HEXA: variants seen among roughly 807,000 people sequenced by gnomAD.
HEXA encodes the protein hexosaminidase subunit alpha.
A neutral mutation model predicts 73.3 loss-of-function variants in HEXA; 54 were observed. The observed-to-expected ratio is 0.74, with a 90% CI of 0.59 to 0.92. The LOEUF (loss-of-function observed/expected upper bound fraction) is 0.92. Ranked by LOEUF, HEXA falls within the 40% of genes least tolerant of loss-of-function variation. The pLI is 0.00. For synonymous variants in HEXA, 230 were observed against 246.9 expected (o/e 0.93, Z 0.64); for missense variants, 649 against 653.0 (o/e 0.99, Z 0.07).
At chr15:72,356,660 G>A in intron 1 of HEXA, 43 bp from the exon 2 acceptor site, 1 of 1,612,156 alleles carries the variant, frequency 6.2e-7, no homozygotes, top group Non-Finnish European at 8.5e-7. Flanking sequence ...CCTGCCATTA[G>A]AAGCAACAGG....
At chr15:72,359,020 A>C (rs956246710) in intron 1 of HEXA, 1 of 152,376 alleles carries the variant, frequency 6.6e-6, no homozygotes, top group Non-Finnish European at 1.5e-5. Context: ...CAGCAATGTC[A>C]TGAGCACATG....
chr15:72,357,586 C>CT (rs1480266461), intron 1 of HEXA: 10 of 152,180 alleles, frequency 6.6e-5, no homozygotes, highest in African/African-American at 2.2e-4. Context: ...CTATTCTATT[C>CT]TTTCCTGGAG....
chr15:72,350,027 G>A (rs2088674832), intron 7 of HEXA, among the ~76,000 whole-genome samples: 1 of 152,140 alleles, frequency 6.6e-6, no homozygotes, highest in Admixed American at 6.5e-5. Flanking sequence ...GCCTCCAAAA[G>A]TGGTGGGATT....
chr15:72,364,026 T>TG (rs1380126521), intron 1 of HEXA, among the ~76,000 whole-genome samples: 1 of 152,048 alleles, frequency 6.6e-6, no homozygotes, highest in African/African-American at 2.4e-5. Flanking sequence ...CTGAGGCAGG[T>TG]GGATCACTTG....
chr15:72,370,308 T>A (rs965210024), intron 1 of HEXA: 2 of 255,452 alleles, frequency 7.8e-6, no homozygotes, highest in East Asian at 1.4e-4. Context: ...AAAACTCAAA[T>A]TTTTCATAAA....
At chr15:72,375,625 CAAAA>C in intron 1 of HEXA, 91 bp downstream of exon 1, 1 of 1,435,182 alleles carries the variant, frequency 7.0e-7, no homozygotes, top group Admixed American at 1.9e-5. Context: ...GAGGGCTGGA[CAAAA>C]GCCCATAGGG....
At position 72,363,445 on chromosome 15, in the gene HEXA, G is replaced by A. The variant is rs868030685; in HGVS notation, c.254-6828C>T. On this transcript the variant is annotated intron_variant, in intron 1 of 13. Coordinates refer to ENST00000268097, the MANE Select transcript of HEXA (RefSeq NM_000520.6). The stretch of plus-strand genomic sequence containing the variant: ...ATTGGTGTTCACCAAGCTACCAAGA[G>A]GAGAAAAGGTATTCCAAGCCTGGGA... 2.0e-4 allele frequency among the ~76,000 whole-genome samples: 31 copies of A among 152,310 alleles called. No individual in the cohort carries two copies. In the Middle Eastern group the frequency reaches 0.017, roughly 84 times the overall value.
At chr15:72,368,867 T>C (rs2088950734) in intron 1 of HEXA, among the ~76,000 whole-genome samples, 1 of 152,158 alleles carries the variant, frequency 6.6e-6, no homozygotes, top group Non-Finnish European at 1.5e-5. Flanking sequence ...AAGGACAAGG[T>C]TGAACAAACA....
intron 13 of HEXA, 181 bp downstream of exon 13, chr15:72,345,265 T>G: frequency 1.1e-5 from 13 of 1,192,002 alleles, no homozygotes; most frequent in Non-Finnish European, 1.5e-5. Context: ...GTACCATTTT[T>G]TGTTGTATTT....
At chr15:72,356,013 C>G (rs1474968611) in intron 2 of HEXA, 1 of 459,894 alleles carries the variant, frequency 2.2e-6, no homozygotes, top group African/African-American at 2.0e-5. Context: ...GCTCCCAATG[C>G]CTTTGTAATC....
At chr15:72,345,168 C>A in intron 13 of HEXA, 1 of 466,012 alleles carries the variant, frequency 2.1e-6, no homozygotes, top group Non-Finnish European at 3.8e-6. Flanking sequence ...TGTACAACTT[C>A]CCATATACTT....
chr15:72,373,536 A>C (rs1208749633), intron 1 of HEXA, among the ~76,000 whole-genome samples: 1 of 152,208 alleles, frequency 6.6e-6, no homozygotes, highest in East Asian at 1.9e-4. Flanking sequence ...AAGCTAATGA[A>C]CTTACAGGAA....
At chr15:72,358,798 C>G (rs956135758) in intron 1 of HEXA, 6 of 152,182 alleles carry the variant, frequency 3.9e-5, no homozygotes, top group Non-Finnish European at 8.8e-5. Flanking sequence ...GCTGGCAAAA[C>G]AGGAGGGACA....
At chr15:72,375,646 T>C in intron 1 of HEXA, 74 bp downstream of exon 1, 2 of 1,571,874 alleles carry the variant, frequency 1.3e-6, no homozygotes, top group African/African-American at 1.4e-5. Flanking sequence ...AGGGCGTCTC[T>C]GGAGCCCTGG....
chr15:72,366,807 T>A (rs1253119771), intron 1 of HEXA, among the ~76,000 whole-genome samples: 1 of 152,144 alleles, frequency 6.6e-6, no homozygotes, highest in East Asian at 1.9e-4. Context: ...TCCTCGGAAG[T>A]GTTCAAACTC....
intron 12 of HEXA, 80 bp from the exon 13 acceptor site, chr15:72,345,630 T>C (rs1595796444): frequency 6.3e-7 from 1 of 1,579,656 alleles, no homozygotes; most frequent in Non-Finnish European, 8.6e-7. Context: ...TGCTACCTCT[T>C]GTCTAGGCAC....
intron 7 of HEXA, 83 bp downstream of exon 7, chr15:72,350,435 T>C (rs2088679288): frequency 1.4e-6 from 2 of 1,427,678 alleles, no homozygotes; most frequent in African/African-American, 1.4e-5. Context: ...GGCTGGGATA[T>C]GCCACTTCCA....
chr15:72,351,221 T>C lies in HEXA; in HGVS notation c.584A>G (p.Tyr195Cys). ...SILDTLDVMA[Y>C]NKLNVFHWHL... ...CCAGTGGAACACGTTCAATTTATTGTACGCCATGACATCCTGTAGGTTAAA... is the reference window on the plus strand; with the variant it reads ...CCAGTGGAACACGTTCAATTTATTGCACGCCATGACATCCTGTAGGTTAAA... Residue 195 changes from tyrosine to cysteine, a missense_variant, in exon 6 of 14, where the codon TAC (tyrosine) becomes TGC (cysteine). By Grantham distance (194) the Tyr-to-Cys change is radical. Transcript: ENST00000268097. The C allele has an allele frequency of 6.2e-7, 1 of 1,607,060 alleles. No homozygotes were observed. The highest frequency in any genetic ancestry group is 8.5e-7 in the Non-Finnish European group (1 of 1,173,506).
chr15:72,363,413 AC>A (rs1405912845), intron 1 of HEXA, among the ~76,000 whole-genome samples: 1 of 152,146 alleles, frequency 6.6e-6, no homozygotes, highest in Non-Finnish European at 1.5e-5. Context: ...GGGATCTTGA[AC>A]CCTGAATTGG....
Sources: gnomAD v4.1 joint callset for allele counts (sites outside exome capture counted in the v4.1 genomes callset) on GRCh38, gnomAD v4.1.1 for gene constraint, MANE v1.5 for transcripts, NCBI Gene and HGNC (gene_info 2026-07-23, HGNC 2026-07-21) for gene names.